The following MAP3K13 variants were observed in gnomAD, a reference collection of about 807,000 sequenced individuals.
MAP3K13 encodes mitogen-activated protein kinase kinase kinase 13, also known as leucine zipper-bearing kinase.
A neutral mutation model predicts 104.0 loss-of-function variants in MAP3K13; 52 were observed. That is an observed-to-expected ratio of 0.50 (90% confidence interval 0.40 to 0.63). The LOEUF is 0.63. MAP3K13 is among the 20% of genes least tolerant of loss of function. The pLI is 0.00. For synonymous variants in MAP3K13, 394 were observed against 442.2 expected (o/e 0.89, Z 1.37); for missense variants, 914 against 1,218.5 (o/e 0.75, Z 3.72).
At chr3:185,419,693 A>G (rs1210511683) in intron 1 of MAP3K13, among the ~76,000 whole-genome samples, 1 of 152,172 alleles carries the variant, frequency 6.6e-6, no homozygotes, top group Non-Finnish European at 1.5e-5. Flanking sequence ...TTTATCATTC[A>G]TATGGCAGCT....
chr3:185,305,329 T>C (rs143863730), intron 2 of MAP3K13, among the ~76,000 whole-genome samples: 296 of 152,334 alleles, frequency 1.9e-3, no homozygotes, highest in African/African-American at 6.9e-3. Flanking sequence ...AAACATCTTA[T>C]AATTGTAACA....
At chr3:185,429,411 A>G (rs1714620117) in intron 2 of MAP3K13, among the ~76,000 whole-genome samples, 1 of 152,218 alleles carries the variant, frequency 6.6e-6, no homozygotes, top group Non-Finnish European at 1.5e-5. Flanking sequence ...ATTTTAATAT[A>G]GCTGTGCAGA....
chr3:185,334,970 G>T (rs1328390911), intron 2 of MAP3K13, among the ~76,000 whole-genome samples: 1 of 151,516 alleles, frequency 6.6e-6, no homozygotes, highest in Non-Finnish European at 1.5e-5. Flanking sequence ...ACACAAAACT[G>T]CAATAGACAT....
rs1023077236 is a variant in MAP3K13 at position 185,303,821 on chromosome 3, A to G, written c.-86+18178A>G. Among the ~76,000 whole-genome samples, 3 of 150,636 alleles carry G rather than the reference A, an allele frequency of 2.0e-5. No homozygotes were observed. In the East Asian group the frequency reaches 5.9e-4, roughly 29 times the overall value. ...TATTTTTCTATCCTCTATTTTATTT[A>G]TTTATGTTCTATTTTTTATTATTTC... On this transcript the variant is annotated intron_variant, in intron 2 of 14. Coordinates refer to the MAP3K13 transcript ENST00000424227.
intron 2 of MAP3K13, among the ~76,000 whole-genome samples, chr3:185,354,608 T>TGG (rs67380961): frequency 0.029 from 4,178 of 146,052 alleles, 71 homozygotes; most frequent in African/African-American, 0.045. Context: ...GTTATAAGTA[T>TGG]GGGGGGGGGG....
chr3:185,443,723 C>T (rs906955656), intron 4 of MAP3K13, 87 bp downstream of exon 4: 12 of 1,111,506 alleles, frequency 1.1e-5, no homozygotes, highest in Non-Finnish European at 1.6e-5. Context: ...CGTTTTCAGA[C>T]ATCATACCTT....
chr3:185,402,789 C>T (rs559525323), intron 1 of MAP3K13, among the ~76,000 whole-genome samples: 1 of 152,270 alleles, frequency 6.6e-6, no homozygotes, highest in African/African-American at 2.4e-5. Context: ...GGAGGAACAT[C>T]ATTAGCAGAG....
At chr3:185,474,210 G>A (rs187113855) in intron 11 of MAP3K13, among the ~76,000 whole-genome samples, 4 of 152,008 alleles carry the variant, frequency 2.6e-5, no homozygotes, top group South Asian at 2.1e-4. Context: ...CCTGTAATCC[G>A]AGCTACTCAG....
chr3:185,451,446 C>G lies in MAP3K13; in HGVS notation c.1278+51C>G, dbSNP rs532805895. 3 of 1,211,964 alleles carry G rather than the reference C, an allele frequency of 2.5e-6. No homozygotes were observed. In the African/African-American group the frequency reaches 4.5e-5, roughly 18 times the overall value. The allele number at this position is 1,211,964 out of a possible 1,614,324, so 75.1% of individuals were successfully genotyped here. On this transcript the variant is annotated intron_variant, in intron 7 of 13. Transcript: ENST00000265026. ...TGCTACTAAACAGATAGAGAACTCT[C>G]AATGAAACAGAGTAACTCTTAGAAG... is the stretch of plus-strand genomic sequence containing the variant.
intron 2 of MAP3K13, among the ~76,000 whole-genome samples, chr3:185,349,281 C>G (rs1026413224): frequency 6.6e-6 from 1 of 152,140 alleles, no homozygotes; most frequent in Admixed American, 6.5e-5. Flanking sequence ...GCTCTCCTCC[C>G]TCCCTTCCTC....
At chr3:185,455,272 TATGA>T (rs1716439658) in intron 7 of MAP3K13, among the ~76,000 whole-genome samples, 3 of 46,884 alleles carry the variant, frequency 6.4e-5, no homozygotes, top group African/African-American at 1.5e-4. Flanking sequence ...ATGAGATATA[TATGA>T]GATATATGAG....
chr3:185,457,891 C>T (rs1261927221), intron 7 of MAP3K13, among the ~76,000 whole-genome samples: 1 of 152,112 alleles, frequency 6.6e-6, no homozygotes, highest in Non-Finnish European at 1.5e-5. Flanking sequence ...GTCTAAACTC[C>T]ATCCTGTCAC....
chr3:185,447,930 T>A lies in MAP3K13; in HGVS notation c.993T>A (p.Ser331=). The A allele has an allele frequency of 6.2e-7, 1 of 1,609,370 alleles. No individual in the cohort carries two copies. Among genetic ancestry groups the A allele is most frequent in the Non-Finnish European group, 8.5e-7 (1 of 1,178,526 alleles). Residue 331 remains serine, a synonymous_variant, in exon 5 of 14, where the codon TCT becomes TCA. Coordinates refer to ENST00000265026, the MANE Select transcript of MAP3K13 (RefSeq NM_004721.5). The stretch of plus-strand genomic sequence containing the variant: ...AGGTGATACGGAATGAACCTGTCTC[T>A]GAAAAAGTTGATATATGGTGAGTGG... ...APEVIRNEPV[S]EKVDIWSFGV...
chr3:185,399,794 G>C (rs1261694209), intron 1 of MAP3K13, among the ~76,000 whole-genome samples: 1 of 151,844 alleles, frequency 6.6e-6, no homozygotes, highest in East Asian at 1.9e-4. Context: ...CTCCCTGCCT[G>C]ATGGCGTATA....
intron 1 of MAP3K13, among the ~76,000 whole-genome samples, chr3:185,406,847 A>G (rs1263453502): frequency 1.3e-5 from 2 of 152,176 alleles, no homozygotes; most frequent in African/African-American, 2.4e-5. Context: ...TGCAATAACT[A>G]TTCTCACTAA....
In MAP3K13 at chr3:185,435,074, G is replaced by A. The variant is rs182407114; in HGVS notation, c.476-2373G>A. Among the ~76,000 whole-genome samples the A allele has an allele frequency of 4.9e-3, 738 of 152,088 alleles. 7 individuals carry two copies. The highest frequency in any genetic ancestry group is 0.017 in the African/African-American group (693 of 41,468). ...GCTGGAGTGCAGTGGCGCATTCTCA[G>A]CTCACTGAAACCTCTGCCTCCCGGG... On this transcript the variant is annotated intron_variant, in intron 2 of 13. Coordinates refer to ENST00000265026, the MANE Select transcript of MAP3K13 (RefSeq NM_004721.5).
At chr3:185,397,018 T>C (rs1387800292) in intron 1 of MAP3K13, among the ~76,000 whole-genome samples, 1 of 143,240 alleles carries the variant, frequency 7.0e-6, no homozygotes, top group Admixed American at 7.3e-5. Context: ...CATCCCCTGC[T>C]TTTCGTATTC....
At chr3:185,384,187 G>A (rs902812005) in intron 1 of MAP3K13, among the ~76,000 whole-genome samples, 1 of 151,986 alleles carries the variant, frequency 6.6e-6, no homozygotes, top group African/African-American at 2.4e-5. Flanking sequence ...ATATGAATGA[G>A]AAAACCTGGT....
At chr3:185,302,875 A>G (rs1721157739) in intron 2 of MAP3K13, among the ~76,000 whole-genome samples, 2 of 152,096 alleles carry the variant, frequency 1.3e-5, no homozygotes, top group Non-Finnish European at 2.9e-5. Context: ...TACTATGTTG[A>G]GTAGAAGTGG....
Sources: gnomAD v4.1 joint callset for allele counts (sites outside exome capture counted in the v4.1 genomes callset) on GRCh38, gnomAD v4.1.1 for gene constraint, MANE v1.5 for transcripts, NCBI Gene and HGNC (gene_info 2026-07-23, HGNC 2026-07-21) for gene names.